The following AQR variants were observed in gnomAD, a reference collection of about 807,000 sequenced individuals.
AQR encodes the protein RNA helicase aquarius.
AQR carries 61 observed loss-of-function variants against 180.5 expected under a neutral mutation model. The ratio of observed to expected loss-of-function variants is 0.34; its 90% CI spans 0.28 to 0.42. AQR has a LOEUF of 0.42. Among genes scored for constraint, AQR ranks in the 10% least tolerant of loss-of-function variants. The pLI, the probability that AQR is intolerant of heterozygous loss-of-function variation, is 1.00. For missense variants in AQR, 1,281 were observed against 1,798.3 expected (o/e 0.71, Z 5.20); for synonymous variants, 551 against 588.8 (o/e 0.94, Z 0.93).
intron 3 of AQR, among the ~76,000 whole-genome samples, chr15:34,954,586 C>A (rs538754619): frequency 6.6e-6 from 1 of 152,222 alleles, no homozygotes; most frequent in South Asian, 2.1e-4. Flanking sequence ...GGATTACAGG[C>A]ATGAGCCACC....
intron 12 of AQR, among the ~76,000 whole-genome samples, chr15:34,929,201 C>A (rs954980948): frequency 1.5e-4 from 23 of 152,186 alleles, no homozygotes; most frequent in Admixed American, 6.5e-5. Context: ...TTAATTAGAT[C>A]CCATTTGTCA....
intron 2 of AQR, 63 bp from the exon 3 acceptor site, chr15:34,960,877 T>C (rs2050272314): frequency 1.7e-6 from 1 of 584,090 alleles, no homozygotes; most frequent in Non-Finnish European, 2.9e-6. Flanking sequence ...AAATTGACAG[T>C]TTTTAATGAG....
Position 34,963,661 on chromosome 15 carries a change from C to CTTTTTTTTTCTTTTTTT in AQR, c.132+572_132+573insAAAAAAAGAAAAAAAAA, listed in dbSNP as rs1566793151. Among the ~76,000 whole-genome samples, 283 of 148,596 alleles carry CTTTTTTTTTCTTTTTTT rather than the reference C, an allele frequency of 1.9e-3. 4 individuals are homozygous for CTTTTTTTTTCTTTTTTT. The highest frequency in any genetic ancestry group is 6.9e-3 in the African/African-American group (272 of 39,548). On this transcript the variant is annotated intron_variant, in intron 2 of 34. Transcript: ENST00000156471. The stretch of plus-strand genomic sequence containing the variant: ...CAGTTAAGTAAATTATACACGTACA[C>CTTTTTTTTTCTTTTTTT]TTTTTTTTTTTCTTTTTTTTGAGAT...
intron 13 of AQR, among the ~76,000 whole-genome samples, chr15:34,922,609 C>G (rs1383132681): frequency 6.6e-6 from 1 of 151,862 alleles, no homozygotes; most frequent in Non-Finnish European, 1.5e-5. Context: ...GGCTGAAGTA[C>G]AGTGGCAAGA....
chr15:34,942,402 T>C (rs1894037807), intron 6 of AQR, among the ~76,000 whole-genome samples: 1 of 152,242 alleles, frequency 6.6e-6, no homozygotes, highest in South Asian at 2.1e-4. Context: ...CAGGTGAGAC[T>C]GAGCTGATGC....
At chr15:34,874,549 A>C (rs1047143299) in intron 29 of AQR, 128 bp downstream of exon 29, 8 of 1,122,250 alleles carry the variant, frequency 7.1e-6, no homozygotes. Context: ...GTGCTTTTGG[A>C]TTTATGGATA....
intron 33 of AQR, among the ~76,000 whole-genome samples, chr15:34,860,835 G>C (rs1485899016): frequency 6.6e-6 from 1 of 152,228 alleles, no homozygotes; most frequent in South Asian, 2.1e-4. Flanking sequence ...CTGTTAAATT[G>C]CAGGTACCTA....
intron 9 of AQR, among the ~76,000 whole-genome samples, chr15:34,935,613 A>G (rs963512584): frequency 7.2e-5 from 11 of 152,216 alleles, no homozygotes; most frequent in Non-Finnish European, 2.9e-5. Context: ...TTTTTCAGCT[A>G]GCATATGCCC....
At chr15:34,961,662 C>CAAAA (rs60598508) in intron 2 of AQR, among the ~76,000 whole-genome samples, 1 of 112,768 alleles carries the variant, frequency 8.9e-6, no homozygotes, top group African/African-American at 3.5e-5. Context: ...CTGTACATCT[C>CAAAA]AAAAAAAAAA....
chr15:34,923,181 T>C (rs1893707432), intron 13 of AQR, among the ~76,000 whole-genome samples: 1 of 152,202 alleles, frequency 6.6e-6, no homozygotes, highest in Non-Finnish European at 1.5e-5. Context: ...TTACTGTGCC[T>C]ACTTCATAGC....
rs748341989 is a variant in AQR, at chr15:34,855,300, A to T, written c.*1492T>A. The T allele has an allele frequency of 3.3e-5, 5 of 152,240 alleles. No individual in the cohort carries two copies. The highest frequency in any genetic ancestry group is 7.3e-5 in the Non-Finnish European group (5 of 68,050). 9.4% of individuals were successfully genotyped at this position (152,240 alleles called of 1,614,324 possible). A position where few individuals can be genotyped will look rare whatever the true frequency, so the allele number is the denominator to read the frequency against. Reference sequence around the variant, plus strand: ...TCTGGGTTTAATTTCCCTATGAAGCAATCATTCCTTCAAAATGTCAGGACC... The same window carrying T: ...TCTGGGTTTAATTTCCCTATGAAGCTATCATTCCTTCAAAATGTCAGGACC... On this transcript the variant is annotated 3_prime_UTR_variant, in exon 35 of 35. Transcript: ENST00000156471.
At chr15:34,897,451 G>T (rs1893264017) in intron 21 of AQR, 108 bp downstream of exon 21, 1 of 1,264,476 alleles carries the variant, frequency 7.9e-7, no homozygotes, top group African/African-American at 1.5e-5. Flanking sequence ...TCAGAAACAG[G>T]AGTTTTGTGG....
intron 33 of AQR, among the ~76,000 whole-genome samples, chr15:34,862,450 T>C (rs1417568185): frequency 1.3e-5 from 2 of 152,168 alleles, no homozygotes; most frequent in Non-Finnish European, 2.9e-5. Context: ...AATAATCTAA[T>C]AACCTAATAG....
At chr15:34,944,226 T>C in intron 6 of AQR, 62 bp downstream of exon 6, 15 of 1,466,614 alleles carry the variant, frequency 1.0e-5, no homozygotes, top group Non-Finnish European at 1.4e-5. Context: ...TAATTTCATC[T>C]AAACTCAACC....
chr15:34,875,385 T>C (rs1042260790), intron 28 of AQR, among the ~76,000 whole-genome samples: 9 of 152,186 alleles, frequency 5.9e-5, no homozygotes, highest in Non-Finnish European at 1.2e-4. Context: ...AAGTTCCAAG[T>C]AGCTTCACTT....
chr15:34,950,088 T>C (rs1259875834), intron 4 of AQR, among the ~76,000 whole-genome samples: 1 of 31,828 alleles, frequency 3.1e-5, no homozygotes, highest in Admixed American at 3.0e-4. Context: ...ATTTTCCTTT[T>C]TTTTTTTTTT....
intron 32 of AQR, 94 bp from the exon 33 acceptor site, chr15:34,863,135 T>C: frequency 8.5e-7 from 1 of 1,182,236 alleles, no homozygotes; most frequent in Non-Finnish European, 1.2e-6. Flanking sequence ...GATAGTCCTG[T>C]TAAGCCCTGG....
intron 14 of AQR, among the ~76,000 whole-genome samples, chr15:34,919,756 G>A (rs1893655547): frequency 6.6e-6 from 1 of 151,966 alleles, no homozygotes; most frequent in Admixed American, 6.6e-5. Context: ...AAATTAGCTG[G>A]GAGTGGTGGC....
chr15:34,912,156 A>G (rs1004402339), intron 16 of AQR, among the ~76,000 whole-genome samples: 4 of 152,142 alleles, frequency 2.6e-5, no homozygotes, highest in Non-Finnish European at 5.9e-5. Context: ...CCAGTAACAT[A>G]CTGTTTTGAC....
Sources: gnomAD v4.1 joint callset for allele counts (sites outside exome capture counted in the v4.1 genomes callset) on GRCh38, gnomAD v4.1.1 for gene constraint, MANE v1.5 for transcripts, NCBI Gene and HGNC (gene_info 2026-07-23, HGNC 2026-07-21) for gene names.